CCDC92B: variants seen among roughly 807,000 people sequenced by gnomAD.
CCDC92B encodes the protein coiled-coil domain-containing 92B.
CCDC92B carries 2 observed loss-of-function variants against 5.6 expected under a neutral mutation model. The ratio of observed to expected loss-of-function variants is 0.36; its 90% confidence interval spans 0.15 to 1.12. The LOEUF (loss-of-function observed/expected upper bound fraction) is 1.12, where lower values mean the gene tolerates loss of function less well. Among genes scored for constraint, CCDC92B ranks in the 50% most tolerant of loss-of-function variants. The pLI is 0.40. For missense variants in CCDC92B, 271 were observed against 262.2 expected (o/e 1.03, Z -0.23); for synonymous variants, 115 against 122.3 (o/e 0.94, Z 0.39).
intron 2 of CCDC92B, among the ~76,000 whole-genome samples, chr17:2,734,570 A>T (rs1567614752): frequency 1.3e-5 from 2 of 150,562 alleles, no homozygotes; most frequent in Non-Finnish European, 1.5e-5. Flanking sequence ...GCTCACTGCA[A>T]CCTCCACCTC....
At chr17:2,733,527 G>A (rs2070821246) in intron 2 of CCDC92B, among the ~76,000 whole-genome samples, 1 of 151,200 alleles carries the variant, frequency 6.6e-6, no homozygotes, top group African/African-American at 2.5e-5. Context: ...CCAAAGTGCT[G>A]GGATTACAGG....
chr17:2,737,406 C>T (rs926925219), intron 1 of CCDC92B, among the ~76,000 whole-genome samples: 1 of 151,388 alleles, frequency 6.6e-6, no homozygotes, highest in Admixed American at 6.6e-5. Context: ...GCACTCCTCT[C>T]TCTGGGCCCC....
Position 2,724,281 on chromosome 17 carries a change from G to C in CCDC92B, c.*130C>G, listed in dbSNP as rs1487997546. 2.5e-5 allele frequency: 25 copies of C among 985,338 alleles called. No individual in the cohort carries two copies. The highest frequency in any genetic ancestry group is 2.9e-5 in the Non-Finnish European group (24 of 829,904). 61.0% of individuals were successfully genotyped at this position (985,338 alleles called of 1,614,324 possible). On this transcript the variant is annotated 3_prime_UTR_variant, in exon 4 of 4. Transcript: ENST00000614400. This position sits in a 1 kb window ranked among gnomAD's most constrained non-coding sequence, Gnocchi z 5.0. ...GCGGTTCGGGGATTTGGGGGGAGCC[G>C]GGGCCGCCTCGCCCCGCTTCCTGGA... is the stretch of plus-strand genomic sequence containing the variant.
chr17:2,740,840 G>T (rs1480706543), intron 1 of CCDC92B, among the ~76,000 whole-genome samples: 1 of 151,576 alleles, frequency 6.6e-6, no homozygotes, highest in Non-Finnish European at 1.5e-5. Context: ...GGTGGCATGG[G>T]CCTGTAGTCC....
chr17:2,731,090 C>T (rs2070790621), intron 2 of CCDC92B, among the ~76,000 whole-genome samples: 1 of 152,192 alleles, frequency 6.6e-6, no homozygotes, highest in Non-Finnish European at 1.5e-5. Flanking sequence ...CGCCGTATTC[C>T]CCACGGCAGG....
rs1413892240 is a variant in CCDC92B at position 2,749,469 on chromosome 17, G to C, written c.-82C>G. 6.6e-6 allele frequency: 1 copy of C among 151,464 alleles called. No homozygotes were observed. The highest frequency in any genetic ancestry group is 1.5e-5 in the Non-Finnish European group (1 of 67,808). 9.4% of individuals were successfully genotyped at this position (151,464 alleles called of 1,614,324 possible). On this transcript the variant is annotated 5_prime_UTR_variant, in exon 1 of 4. Coordinates refer to ENST00000614400, the MANE Select transcript of CCDC92B (RefSeq NM_001355573.2). ...CCTGGGTCCGGGCCGGGCTGGGTGG[G>C]GGCGGCGCTCTTCCCCCCACGCTAG...
At chr17:2,727,574 C>G (rs1232081915) in intron 3 of CCDC92B, among the ~76,000 whole-genome samples, 3 of 152,184 alleles carry the variant, frequency 2.0e-5, no homozygotes, top group Admixed American at 2.0e-4. Context: ...GCCTGTAATC[C>G]CAGCACTTTG....
chr17:2,729,073 T>C (rs1008726299), intron 3 of CCDC92B, among the ~76,000 whole-genome samples: 7 of 152,152 alleles, frequency 4.6e-5, no homozygotes, highest in Non-Finnish European at 8.8e-5. Flanking sequence ...AGTCTTACTA[T>C]TTTGTCCAGG....
At chr17:2,733,264 T>C (rs971299416) in intron 2 of CCDC92B, among the ~76,000 whole-genome samples, 86 of 149,198 alleles carry the variant, frequency 5.8e-4, no homozygotes, top group African/African-American at 2.0e-3. Context: ...TCTTCTCTTT[T>C]TTTTTTTTTT....
In CCDC92B at chr17:2,738,554, C is replaced by T. The variant is rs895921702; in HGVS notation, c.-23-3386G>A. The stretch of plus-strand genomic sequence containing the variant: ...TTGGGAGGCCGAGGCGGGCGGATCA[C>T]GAGGTCGGGAGATCGAGACCACGGT... On this transcript the variant is annotated intron_variant, in intron 1 of 3. Transcript: ENST00000614400. 9.3e-5 allele frequency among the ~76,000 whole-genome samples: 14 copies of T among 150,846 alleles called. 1 individual carries two copies. The highest frequency in any genetic ancestry group is 1.7e-4 in the African/African-American group (7 of 40,856).
Position 2,724,239 on chromosome 17 carries a change from G to T in CCDC92B, c.*172C>A. 1.2e-5 allele frequency: 12 copies of T among 985,290 alleles called. No individual in the cohort carries two copies. The highest frequency in any genetic ancestry group is 1.4e-5 in the Non-Finnish European group (12 of 829,794). The allele number at this position is 985,290 out of a possible 1,614,324, so 61.0% of individuals were successfully genotyped here. Reference sequence around the variant, plus strand: ...AGGGCTCGAAGCTTTGGAAACGTCGGGAAGTACAAAAGGCTGGCGGTTCGG... The same window carrying T: ...AGGGCTCGAAGCTTTGGAAACGTCGTGAAGTACAAAAGGCTGGCGGTTCGG... On this transcript the variant is annotated 3_prime_UTR_variant, in exon 4 of 4. Transcript: ENST00000614400. The surrounding 1 kb of genome is among the most constrained non-coding windows in gnomAD (Gnocchi z 5.0).
intron 3 of CCDC92B, among the ~76,000 whole-genome samples, chr17:2,728,528 G>A (rs1198158349): frequency 4.6e-5 from 7 of 151,860 alleles, no homozygotes; most frequent in African/African-American, 7.3e-5. Flanking sequence ...GCGTGAACCC[G>A]GGAGGCAGAG....
At chr17:2,748,155 T>C (rs1398439356) in intron 1 of CCDC92B, 1 of 534,994 alleles carries the variant, frequency 1.9e-6, no homozygotes, top group African/African-American at 1.9e-5. Flanking sequence ...CTGATCTTCT[T>C]CTCTTTTGGA....
Position 2,731,949 on chromosome 17 carries a change from G to A in CCDC92B, c.131-1456C>T, listed in dbSNP as rs117444657. Among the ~76,000 whole-genome samples, 576 of 152,316 alleles carry A rather than the reference G, an allele frequency of 3.8e-3. 3 individuals carry two copies. Among genetic ancestry groups the A allele is most frequent in the Non-Finnish European group, 6.7e-3 (456 of 68,032 alleles). ...AATCTCAGCTGGGCTATAGATGAGC[G>A]TGCTGTGAGGTCAGATACGCTGTGT... is the stretch of plus-strand genomic sequence containing the variant. On this transcript the variant is annotated intron_variant, in intron 2 of 3. Coordinates refer to ENST00000614400, the MANE Select transcript of CCDC92B (RefSeq NM_001355573.2).
At chr17:2,734,495 T>A (rs910828796) in intron 2 of CCDC92B, among the ~76,000 whole-genome samples, 15 of 16,750 alleles carry the variant, frequency 9.0e-4, no homozygotes, top group African/African-American at 1.9e-3. Context: ...TAACCAGAGC[T>A]TTTTTTTTTT....
chr17:2,742,641 T>C (rs985436957), intron 1 of CCDC92B, among the ~76,000 whole-genome samples: 14 of 152,174 alleles, frequency 9.2e-5, no homozygotes, highest in African/African-American at 3.4e-4. Context: ...AATCACTCCC[T>C]GGGTGTTCTT....
intron 1 of CCDC92B, among the ~76,000 whole-genome samples, chr17:2,742,451 T>C (rs1275770286): frequency 6.6e-6 from 1 of 151,982 alleles, no homozygotes; most frequent in Admixed American, 6.6e-5. Flanking sequence ...TGGTCCTAGG[T>C]GTATTTTAGT....
chr17:2,748,437 T>C, intron 1 of CCDC92B: 1 of 962,368 alleles, frequency 1.0e-6, no homozygotes, highest in South Asian at 4.8e-5. Context: ...TTGTTCTGTG[T>C]GTGTGTGTGT....
chr17:2,737,217 C>T (rs951376817), intron 1 of CCDC92B, among the ~76,000 whole-genome samples: 1 of 152,104 alleles, frequency 6.6e-6, no homozygotes, highest in Non-Finnish European at 1.5e-5. Flanking sequence ...TTGGAGGAAC[C>T]TGCCTTCACC....
Sources: allele counts gnomAD v4.1 joint callset (sites outside exome capture counted in the v4.1 genomes callset), GRCh38; gene constraint gnomAD v4.1.1; non-coding constraint Gnocchi (gnomAD v3.1); transcripts MANE v1.5; gene names NCBI Gene and HGNC (gene_info 2026-07-23, HGNC 2026-07-21).